SGCD: variants seen among roughly 807,000 people sequenced by gnomAD.
The protein encoded by SGCD is delta-sarcoglycan.
A neutral mutation model predicts 36.6 loss-of-function variants in SGCD; 18 were observed. That is an observed-to-expected ratio of 0.49 (90% confidence interval 0.34 to 0.73). The LOEUF (loss-of-function observed/expected upper bound fraction) is 0.73, where lower values mean the gene tolerates loss of function less well. Among genes scored for constraint, SGCD ranks in the 30% least tolerant of loss-of-function variants. SGCD has a pLI of 0.01. For synonymous variants in SGCD, 133 were observed against 130.6 expected (o/e 1.02, Z -0.12); for missense variants, 387 against 346.7 (o/e 1.12, Z -0.92).
Position 156,269,506 on chromosome 5 carries a change from A to AC in SGCD, c.-43-60028_-43-60027insC, listed in dbSNP as rs1561593301. Among the ~76,000 whole-genome samples the AC allele has an allele frequency of 2.7e-5, 4 of 146,274 alleles. 1 individual carries two copies. Among genetic ancestry groups the AC allele is most frequent in the African/African-American group, 1.0e-4 (4 of 38,170 alleles). ...AAAAAAAAAAAAAAAAAAAAAAAAA[A>AC]AAAACCATCAGATCTCATGAAACTT... On this transcript the variant is annotated intron_variant, in intron 3 of 9. Transcript: ENST00000517913.
At chr5:156,082,073 G>A (rs924682999) in intron 1 of SGCD, among the ~76,000 whole-genome samples, 3 of 152,150 alleles carry the variant, frequency 2.0e-5, no homozygotes, top group Non-Finnish European at 2.9e-5. Flanking sequence ...GTCCAGGTGT[G>A]TTAACAGATG....
At chr5:156,628,196 CA>C (rs1480929243) in intron 6 of SGCD, among the ~76,000 whole-genome samples, 1 of 152,110 alleles carries the variant, frequency 6.6e-6, no homozygotes, top group African/African-American at 2.4e-5. Flanking sequence ...GAAGACAGTA[CA>C]GGGGGAAAAT....
chr5:156,269,782 C>T (rs1241007116), intron 3 of SGCD, among the ~76,000 whole-genome samples: 1 of 152,062 alleles, frequency 6.6e-6, no homozygotes, highest in East Asian at 1.9e-4. Context: ...TTGTCAGATG[C>T]ATAGTTTGCA....
At chr5:155,812,867 A>C in the SGCD span, among the ~76,000 whole-genome samples, 1 of 152,148 alleles carries the variant, frequency 6.6e-6, no homozygotes, top group South Asian at 2.1e-4. Flanking sequence ...CCATAGTTCT[A>C]GTTGGGAAAC....
At chr5:156,741,762 A>C (rs1384702716) in intron 7 of SGCD, among the ~76,000 whole-genome samples, 1 of 152,148 alleles carries the variant, frequency 6.6e-6, no homozygotes, top group East Asian at 1.9e-4. Context: ...TGCAATCTAC[A>C]TGGTGAATTG....
intron 3 of SGCD, among the ~76,000 whole-genome samples, chr5:156,233,052 G>T (rs185534509): frequency 6.6e-6 from 1 of 152,178 alleles, no homozygotes; most frequent in Non-Finnish European, 1.5e-5. Context: ...AGGATAATAT[G>T]TATATATTCT....
At chr5:155,869,364 C>A (rs1308507769), upstream of SGCD, among the ~76,000 whole-genome samples, 1 of 152,122 alleles carries the variant, frequency 6.6e-6, no homozygotes, top group Non-Finnish European at 1.5e-5. Flanking sequence ...TGTTAACTTT[C>A]TTTTTATGCT....
intron 3 of SGCD, among the ~76,000 whole-genome samples, chr5:156,486,596 C>T (rs996185985): frequency 6.6e-6 from 1 of 152,166 alleles, no homozygotes; most frequent in African/African-American, 2.4e-5. Flanking sequence ...TGCCTGCATA[C>T]ACTATTGCAG....
intron 3 of SGCD, among the ~76,000 whole-genome samples, chr5:156,236,857 A>G (rs1765178316): frequency 6.8e-6 from 1 of 147,822 alleles, no homozygotes; most frequent in Non-Finnish European, 1.5e-5. Flanking sequence ...TTTTTTTAAG[A>G]TAGTCTTGCT....
At chr5:155,775,885 T>G in the SGCD span, among the ~76,000 whole-genome samples, 1 of 152,152 alleles carries the variant, frequency 6.6e-6, no homozygotes, top group Non-Finnish European at 1.5e-5. Flanking sequence ...TAGAGTGTTT[T>G]GTAGAAACAG....
At chr5:156,050,688 G>A (rs1759893722) in intron 1 of SGCD, among the ~76,000 whole-genome samples, 1 of 146,680 alleles carries the variant, frequency 6.8e-6, no homozygotes, top group African/African-American at 2.5e-5. Context: ...GAGGTCAGAA[G>A]TCCTAAAATC....
intron 3 of SGCD, among the ~76,000 whole-genome samples, chr5:156,235,143 A>C (rs1765123480): frequency 6.6e-6 from 1 of 152,216 alleles, no homozygotes; most frequent in South Asian, 2.1e-4. Flanking sequence ...AAACTATTTT[A>C]ATGAGGAGAA....
chr5:156,743,540 A>T (rs900900883), intron 7 of SGCD, among the ~76,000 whole-genome samples: 5 of 152,204 alleles, frequency 3.3e-5, no homozygotes, highest in African/African-American at 1.2e-4. Context: ...TAAGCCCAGT[A>T]TAATCCATGT....
rs115648697 is a variant in SGCD at position 155,892,175 on chromosome 5, C to T, written c.-282+21751C>T. The stretch of plus-strand genomic sequence containing the variant: ...TCAAGCAGGACATGAAAGAATGAAG[C>T]GGCCAGGCACAGTGGCTCACGCCTG... On this transcript the variant is annotated intron_variant, in intron 1 of 9. Transcript: ENST00000517913. Among the ~76,000 whole-genome samples, 331 of 151,996 alleles carry T rather than the reference C, an allele frequency of 2.2e-3. 1 individual carries two copies. Among genetic ancestry groups the T allele is most frequent in the African/African-American group, 7.1e-3 (294 of 41,462 alleles).
the SGCD span, among the ~76,000 whole-genome samples, chr5:155,740,991 T>C: frequency 6.6e-6 from 1 of 152,254 alleles, no homozygotes; most frequent in Admixed American, 6.5e-5. Flanking sequence ...TGTATATATT[T>C]TAGTGGGACA....
chr5:156,393,889 CCACT>C, intron 3 of SGCD: 3 of 450,940 alleles, frequency 6.7e-6, no homozygotes, highest in South Asian at 4.7e-5. Flanking sequence ...TGTGGGTATG[CCACT>C]TAACAAATGT....
chr5:155,879,016 A>G (rs1424073860), intron 1 of SGCD, among the ~76,000 whole-genome samples: 3 of 152,082 alleles, frequency 2.0e-5, no homozygotes, highest in African/African-American at 7.2e-5. Flanking sequence ...TTCATACCAC[A>G]GAGTGAAATT....
In SGCD at chr5:155,977,024, T is replaced by C. The variant is rs769542401; in HGVS notation, c.-282+106600T>C. 3.3e-5 allele frequency among the ~76,000 whole-genome samples: 5 copies of C among 152,230 alleles called. No homozygotes were observed. The South Asian group carries it at 6.2e-4, about 19-fold the overall frequency. ...TAGAATAAGAAGAGCATCTTGAATG[T>C]AGTTAAAATTCAGGCGTGATCTTGC... On this transcript the variant is annotated intron_variant, in intron 1 of 9. Transcript: ENST00000517913.
chr5:156,567,579 C>T (rs1407667451), intron 4 of SGCD, among the ~76,000 whole-genome samples: 4 of 152,066 alleles, frequency 2.6e-5, no homozygotes, highest in Admixed American at 2.0e-4. Context: ...GGTCAGCCTT[C>T]GTCCTGTTTA....
Sources: gnomAD v4.1 joint callset for allele counts (sites outside exome capture counted in the v4.1 genomes callset) on GRCh38, gnomAD v4.1.1 for gene constraint, MANE v1.5 for transcripts, NCBI Gene and HGNC (gene_info 2026-07-23, HGNC 2026-07-21) for gene names.